The following GRID2 variants were observed in gnomAD, a reference collection of about 807,000 sequenced individuals.
GRID2 encodes the protein glutamate ionotropic receptor delta type subunit 2.
A neutral mutation model predicts 114.8 loss-of-function variants in GRID2; 33 were observed. That is an observed-to-expected ratio of 0.29 (90% confidence interval 0.22 to 0.38). The LOEUF is 0.38. Ranked by LOEUF, GRID2 falls within the 10% of genes least tolerant of loss-of-function variation. The pLI, the probability that GRID2 is intolerant of heterozygous loss-of-function variation, is 1.00. For missense variants in GRID2, 1,184 were observed against 1,257.7 expected (o/e 0.94, Z 0.89); for synonymous variants, 505 against 449.9 (o/e 1.12, Z -1.55).
Position 93,749,385 on chromosome 4 carries a change from G to A in GRID2, c.2361-19825G>A, listed in dbSNP as rs1386863810. Among the ~76,000 whole-genome samples, 3 of 152,086 alleles carry A rather than the reference G, an allele frequency of 2.0e-5. No individual in the cohort carries two copies. In the East Asian group the frequency reaches 5.8e-4, roughly 29 times the overall value. On this transcript the variant is annotated intron_variant, in intron 14 of 15. Transcript: ENST00000282020. ...GAGGAAGGAGACAGAAGTGTTGCTG[G>A]GATGACTCTTCAAGGGGAAAGTGAA...
intron 2 of GRID2, among the ~76,000 whole-genome samples, chr4:92,854,984 T>C (rs1198489681): frequency 6.6e-6 from 1 of 152,076 alleles, no homozygotes; most frequent in Non-Finnish European, 1.5e-5. Flanking sequence ...AATTCAAATA[T>C]AAATTATAGT....
At chr4:92,755,246 T>C (rs144358774) in intron 2 of GRID2, among the ~76,000 whole-genome samples, 1 of 152,340 alleles carries the variant, frequency 6.6e-6, no homozygotes, top group Non-Finnish European at 1.5e-5. Context: ...AGATATTTAA[T>C]CTATACCTAT....
intron 1 of GRID2, among the ~76,000 whole-genome samples, chr4:93,800,479 CAG>C (rs1291434062): frequency 6.6e-6 from 1 of 152,160 alleles, no homozygotes; most frequent in South Asian, 2.1e-4. Context: ...TATGTTGCAT[CAG>C]AGAGACAGAA....
At chr4:93,158,658 C>T (rs1027291730) in intron 4 of GRID2, among the ~76,000 whole-genome samples, 5 of 151,678 alleles carry the variant, frequency 3.3e-5, no homozygotes, top group Admixed American at 6.6e-5. Context: ...TCTAGGAATA[C>T]AACGATCTAC....
chr4:93,655,098 T>C (rs34531472), intron 14 of GRID2, among the ~76,000 whole-genome samples: 27,064 of 152,080 alleles, frequency 0.18, 2,775 homozygotes, highest in Middle Eastern at 0.35. Context: ...ATAAGTACCA[T>C]AGAAATCCAC....
intron 14 of GRID2, among the ~76,000 whole-genome samples, chr4:93,691,831 C>T (rs17021004): frequency 0.041 from 6,247 of 151,832 alleles, 198 homozygotes; most frequent in African/African-American, 0.081. Flanking sequence ...TTCTCATTTT[C>T]ATTCTCTGAG....
At chr4:93,231,794 G>C (rs1438980047) in intron 7 of GRID2, among the ~76,000 whole-genome samples, 1 of 152,108 alleles carries the variant, frequency 6.6e-6, no homozygotes, top group African/African-American at 2.4e-5. Flanking sequence ...CCTCTGTCCA[G>C]TCCCTCTTCC....
At chr4:93,225,501 C>T (rs1277347231) in intron 7 of GRID2, among the ~76,000 whole-genome samples, 4 of 152,164 alleles carry the variant, frequency 2.6e-5, no homozygotes, top group African/African-American at 9.7e-5. Context: ...AACAAATTCT[C>T]CTATACCCTT....
At chr4:93,354,910 A>ATT (rs1761184167) in intron 8 of GRID2, among the ~76,000 whole-genome samples, 1 of 148,198 alleles carries the variant, frequency 6.7e-6, no homozygotes, top group Admixed American at 6.9e-5. Flanking sequence ...CCTACTAGAT[A>ATT]TTTTTGCCTG....
intron 2 of GRID2, among the ~76,000 whole-genome samples, chr4:93,061,795 C>T (rs535342724): frequency 6.6e-6 from 1 of 152,208 alleles, no homozygotes; most frequent in African/African-American, 2.4e-5. Context: ...GCTAAGCACC[C>T]AGAAAGTGTA....
intron 2 of GRID2, among the ~76,000 whole-genome samples, chr4:92,887,995 C>T (rs990545627): frequency 2.0e-5 from 3 of 152,040 alleles, no homozygotes; most frequent in Non-Finnish European, 4.4e-5. Context: ...GCAGAGTAAA[C>T]CATTTATATA....
intron 2 of GRID2, among the ~76,000 whole-genome samples, chr4:92,695,121 C>T (rs1734363197): frequency 6.6e-6 from 1 of 151,946 alleles, no homozygotes; most frequent in Admixed American, 6.6e-5. Context: ...TGCACACTAC[C>T]ACACCTAGCT....
chr4:92,583,314 CAG>C (rs1311538907), intron 1 of GRID2, among the ~76,000 whole-genome samples: 6 of 150,984 alleles, frequency 4.0e-5, no homozygotes, highest in African/African-American at 1.2e-4. Flanking sequence ...AGAAACACAA[CAG>C]AGCACAATTG....
Position 92,770,992 on chromosome 4 carries a change from A to G in GRID2, c.244+180706A>G, listed in dbSNP as rs563198433. On this transcript the variant is annotated intron_variant, in intron 2 of 15. Transcript: ENST00000282020. ...GAACAGTACTTCTGACAGATGGCTCATGAGAACTGAAATATATTTATAAAA... is the reference window on the plus strand; with the variant it reads ...GAACAGTACTTCTGACAGATGGCTCGTGAGAACTGAAATATATTTATAAAA... Among the ~76,000 whole-genome samples, 6 of 152,270 alleles carry G rather than the reference A, an allele frequency of 3.9e-5. No individual in the cohort carries two copies. The East Asian group carries it at 1.2e-3, about 29-fold the overall frequency.
At chr4:93,065,976 T>C (rs1484064007) in intron 2 of GRID2, among the ~76,000 whole-genome samples, 2 of 151,980 alleles carry the variant, frequency 1.3e-5, no homozygotes, top group African/African-American at 2.4e-5. Context: ...TCAGTTCCCA[T>C]AGTGATACTT....
At chr4:93,087,409 C>A (rs1192594579) in intron 3 of GRID2, among the ~76,000 whole-genome samples, 4 of 151,948 alleles carry the variant, frequency 2.6e-5, no homozygotes, top group Non-Finnish European at 5.9e-5. Context: ...AAAGAAAATT[C>A]CTTGTTAGTT....
intron 2 of GRID2, among the ~76,000 whole-genome samples, chr4:92,922,312 A>C (rs1578482104): frequency 6.6e-6 from 1 of 151,622 alleles, no homozygotes; most frequent in Non-Finnish European, 1.5e-5. Flanking sequence ...GCAATGACTC[A>C]CCCTGCTTCG....
intron 13 of GRID2, among the ~76,000 whole-genome samples, chr4:93,540,576 G>T (rs1310232771): frequency 6.6e-6 from 1 of 152,116 alleles, no homozygotes; most frequent in East Asian, 1.9e-4. Flanking sequence ...GGCAAAATAG[G>T]GTTACAAATG....
At chr4:93,306,618 G>A (rs1417349612) in intron 8 of GRID2, among the ~76,000 whole-genome samples, 1 of 152,178 alleles carries the variant, frequency 6.6e-6, no homozygotes, top group African/African-American at 2.4e-5. Flanking sequence ...TATACACTTT[G>A]AAGTGTATTT....
Sources: allele counts gnomAD v4.1 joint callset (sites outside exome capture counted in the v4.1 genomes callset), GRCh38; gene constraint gnomAD v4.1.1; transcripts MANE v1.5; gene names NCBI Gene and HGNC (gene_info 2026-07-23, HGNC 2026-07-21).